The following KY variants were observed in gnomAD, a reference collection of about 807,000 sequenced individuals.
The protein encoded by KY is kyphoscoliosis peptidase.
A neutral mutation model predicts 76.1 loss-of-function variants in KY; 43 were observed. The observed-to-expected ratio is 0.57, with a 90% confidence interval of 0.44 to 0.73. KY has a LOEUF of 0.73. Ranked by LOEUF, KY falls within the 30% of genes least tolerant of loss-of-function variation. KY has a pLI of 0.00. For missense variants in KY, 722 were observed against 828.9 expected, an observed-to-expected ratio of 0.87 and a Z score of 1.58; for synonymous variants, 277 against 326.2, an observed-to-expected ratio of 0.85 and a Z score of 1.63.
At chr3:134,620,501 G>T (rs981639833) in intron 7 of KY, among the ~76,000 whole-genome samples, 3 of 152,166 alleles carry the variant, frequency 2.0e-5, no homozygotes, top group African/African-American at 7.2e-5. Flanking sequence ...GAAGTTTCCA[G>T]CTCTGGGCAC....
chr3:134,621,554 A>C (rs1469673350), intron 6 of KY, among the ~76,000 whole-genome samples: 1 of 152,222 alleles, frequency 6.6e-6, no homozygotes, highest in East Asian at 1.9e-4. Context: ...CATGCCATAT[A>C]CAAAAACAAC....
intron 7 of KY, among the ~76,000 whole-genome samples, chr3:134,620,484 G>T (rs1014942115): frequency 6.6e-6 from 1 of 152,212 alleles, no homozygotes; most frequent in Non-Finnish European, 1.5e-5. Flanking sequence ...GAAGGCTGCT[G>T]CTGGATGAAG....
At chr3:134,634,364 G>A (rs566870604) in intron 3 of KY, among the ~76,000 whole-genome samples, 1 of 152,272 alleles carries the variant, frequency 6.6e-6, no homozygotes, top group Admixed American at 6.5e-5. Flanking sequence ...ATGAAAAGCT[G>A]TAATCACAAC....
chr3:134,646,348 T>C (rs894165132), intron 2 of KY, among the ~76,000 whole-genome samples: 16 of 152,026 alleles, frequency 1.1e-4, no homozygotes, highest in African/African-American at 3.9e-4. Flanking sequence ...GGGGAGTGTG[T>C]CTTGAGGACT....
At chr3:134,611,451 T>A (rs1324875048) in intron 8 of KY, among the ~76,000 whole-genome samples, 2 of 152,234 alleles carry the variant, frequency 1.3e-5, no homozygotes, top group African/African-American at 4.8e-5. Context: ...GGATGGACTG[T>A]GCAGACAATT....
At chr3:134,648,916 G>A (rs1966756641) in intron 1 of KY, among the ~76,000 whole-genome samples, 2 of 152,180 alleles carry the variant, frequency 1.3e-5, no homozygotes, top group Non-Finnish European at 2.9e-5. Flanking sequence ...GGAGATACCT[G>A]GAAGTGAGCA....
intron 8 of KY, 67 bp downstream of exon 8, chr3:134,619,081 C>T (rs1195429198): frequency 1.5e-6 from 2 of 1,324,708 alleles, no homozygotes; most frequent in African/African-American, 1.5e-5. Context: ...GGCAAAGGCA[C>T]ATGGCACTGT....
Position 134,650,769 on chromosome 3 carries a change from T to C in KY, c.136+56A>G, listed in dbSNP as rs537684204. The C allele has an allele frequency of 3.7e-3, 5,437 of 1,476,222 alleles. 15 individuals carry two copies. The highest frequency in any genetic ancestry group is 4.6e-3 in the Non-Finnish European group (5,089 of 1,108,820). 91.4% of individuals were successfully genotyped at this position (1,476,222 alleles called of 1,614,324 possible). Reference sequence around the variant, plus strand: ...GCGCCCCCCGGCGGGCAGGCCCTTGTGGCAAGGAGGCCAAGGTGCCGGGGG... The same window carrying C: ...GCGCCCCCCGGCGGGCAGGCCCTTGCGGCAAGGAGGCCAAGGTGCCGGGGG... On this transcript the variant is annotated intron_variant, in intron 1 of 10. Coordinates refer to ENST00000423778, the MANE Select transcript of KY (RefSeq NM_178554.6).
chr3:134,635,283 G>T lies in KY; in HGVS notation c.263-5588C>A, dbSNP rs531022081. On this transcript the variant is annotated intron_variant, in intron 3 of 10. Transcript: ENST00000423778. ...AGGCCGAGGTGGGTGGATCACTTGAGGTCAGGAGTTTGAGACAAGCCTGGC... is the reference window on the plus strand; with the variant it reads ...AGGCCGAGGTGGGTGGATCACTTGATGTCAGGAGTTTGAGACAAGCCTGGC... 2.0e-5 allele frequency among the ~76,000 whole-genome samples: 3 copies of T among 152,154 alleles called. No individual in the cohort carries two copies. The South Asian group carries it at 6.2e-4, about 32-fold the overall frequency.
At chr3:134,649,782 A>C (rs915198430) in intron 1 of KY, among the ~76,000 whole-genome samples, 5 of 152,226 alleles carry the variant, frequency 3.3e-5, no homozygotes. Flanking sequence ...CATCCACAGC[A>C]GCATTACTTA....
In KY at chr3:134,604,072, C is replaced by T; in HGVS notation, c.1493G>A (p.Gly498Glu). Residue 498 changes from glycine (G) to glutamate (E), a missense_variant, in exon 11 of 11, where the codon GGG (glycine) becomes GAG (glutamate). This residue lies in a region of KY where 552 missense variants were observed against 680.9 expected (regional missense o/e 0.81). Coordinates refer to ENST00000423778, the MANE Select transcript of KY (RefSeq NM_178554.6). ...CTCCTCAGTGATGGGGCCATCATCC[C>T]CGTGGAGGGAAGCCAGGACATTAAT... Reference protein sequence around the residue: ...EGINVLASLHGDDGPITEETQ... With the variant: ...EGINVLASLHEDDGPITEETQ... The T allele has an allele frequency of 2.5e-6, 4 of 1,613,802 alleles. No homozygotes were observed. The highest frequency in any genetic ancestry group is 3.4e-6 in the Non-Finnish European group (4 of 1,179,784).
In KY at chr3:134,636,655, A is replaced by G. The variant is rs369027976; in HGVS notation, c.262+6661T>C. On this transcript the variant is annotated intron_variant, in intron 3 of 10. Transcript: ENST00000423778. ...CCAAGATCAGCTGGGTGTGGCTCCAATGAGAATTTCTAGCTAACCTGCAGA... is the reference window on the plus strand; with the variant it reads ...CCAAGATCAGCTGGGTGTGGCTCCAGTGAGAATTTCTAGCTAACCTGCAGA... 2.1e-3 allele frequency among the ~76,000 whole-genome samples: 322 copies of G among 152,338 alleles called. 14 individuals carry two copies. The South Asian group carries it at 0.064, about 31-fold the overall frequency.
At chr3:134,615,492 T>G (rs1961387353) in intron 8 of KY, 1 of 152,018 alleles carries the variant, frequency 6.6e-6, no homozygotes, top group Admixed American at 6.5e-5. Context: ...TTTGTTATTA[T>G]TATACTTTAA....
Position 134,627,877 on chromosome 3 carries a change from C to T in KY, c.338-59G>A. 2.2e-6 allele frequency: 3 copies of T among 1,342,068 alleles called. No individual in the cohort carries two copies. The South Asian group carries it at 3.5e-5, about 16-fold the overall frequency. 83.1% of individuals were successfully genotyped at this position (1,342,068 alleles called of 1,614,324 possible). On this transcript the variant is annotated intron_variant, in intron 4 of 10. Transcript: ENST00000423778. ...TTCAGAAGAAACAGAAATGCAAGCA[C>T]TGATGACTCACCTTCTGGTGGTCCT...
chr3:134,612,512 A>G (rs1391565511), intron 8 of KY, among the ~76,000 whole-genome samples: 1 of 152,150 alleles, frequency 6.6e-6, no homozygotes, highest in African/African-American at 2.4e-5. Flanking sequence ...GGATGTGTTT[A>G]TAGTCTGAGA....
rs373768810 is a variant in KY, at chr3:134,629,630, A to G, written c.328T>C (p.Leu110=). The change falls in exon 4 of 11, where the codon TTG becomes CTG. Residue 110 remains leucine (L), a synonymous_variant. Coordinates refer to ENST00000423778, the MANE Select transcript of KY (RefSeq NM_178554.6). ...AMPQLLKKFS[L]AKRLQGDKNG... ...CCTGTGTCATACATACGTTTAGCCAAGGAGAACTTCTTGAGCAGCTGGGGC... is the reference window on the plus strand; with the variant it reads ...CCTGTGTCATACATACGTTTAGCCAGGGAGAACTTCTTGAGCAGCTGGGGC... 3.6e-5 allele frequency: 57 copies of G among 1,600,052 alleles called. No individual in the cohort carries two copies. The highest frequency in any genetic ancestry group is 5.2e-5 in the Admixed American group (3 of 58,038).
At chr3:134,645,251 C>A (rs1966299246) in intron 2 of KY, among the ~76,000 whole-genome samples, 1 of 152,188 alleles carries the variant, frequency 6.6e-6, no homozygotes, top group Non-Finnish European at 1.5e-5. Context: ...CGGCTGGGCC[C>A]AAACACCTGC....
chr3:134,611,954 A>G (rs1960549027), intron 8 of KY, among the ~76,000 whole-genome samples: 1 of 152,244 alleles, frequency 6.6e-6, no homozygotes, highest in African/African-American at 2.4e-5. Flanking sequence ...TCACTTGCTG[A>G]GAGAGTCATT....
intron 1 of KY, among the ~76,000 whole-genome samples, chr3:134,647,939 G>T (rs1966623792): frequency 6.6e-6 from 1 of 152,242 alleles, no homozygotes. Flanking sequence ...GAAAATGACA[G>T]TTGCCAGTTC....
Sources: gnomAD v4.1 joint callset for allele counts (sites outside exome capture counted in the v4.1 genomes callset) on GRCh38, gnomAD v4.1.1 for gene constraint, gnomAD v4.1.1 regional missense constraint, MANE v1.5 for transcripts, NCBI Gene and HGNC (gene_info 2026-07-23, HGNC 2026-07-21) for gene names.